ARHGAP26: variants seen among roughly 807,000 people sequenced by gnomAD.
ARHGAP26 encodes Rho GTPase activating protein 26.
In ARHGAP26, 38 loss-of-function variants were observed where a neutral mutation model predicts 104.8. The observed-to-expected ratio is 0.36, with a 90% confidence interval of 0.28 to 0.48. The LOEUF (loss-of-function observed/expected upper bound fraction) is 0.48, where lower values mean the gene tolerates loss of function less well. Ranked by LOEUF, ARHGAP26 falls within the 20% of genes least tolerant of loss-of-function variation. ARHGAP26 has a pLI of 0.99. For missense variants in ARHGAP26, 704 were observed against 947.9 expected (o/e 0.74, Z 3.38); for synonymous variants, 341 against 340.0 (o/e 1.00, Z -0.03).
intron 11 of ARHGAP26, among the ~76,000 whole-genome samples, chr5:143,000,772 T>C (rs996008380): frequency 1.3e-5 from 2 of 151,970 alleles, no homozygotes; most frequent in Admixed American, 6.6e-5. Flanking sequence ...CAGACTAACA[T>C]AGGAACAAAA....
At chr5:142,898,186 A>G (rs1373755624) in intron 6 of ARHGAP26, among the ~76,000 whole-genome samples, 1 of 152,044 alleles carries the variant, frequency 6.6e-6, no homozygotes, top group Non-Finnish European at 1.5e-5. Context: ...ACACACACAC[A>G]CACACATATA....
At chr5:142,996,506 A>G (rs1243085546) in intron 11 of ARHGAP26, among the ~76,000 whole-genome samples, 1 of 152,218 alleles carries the variant, frequency 6.6e-6, no homozygotes, top group Non-Finnish European at 1.5e-5. Flanking sequence ...AATTAAAAAA[A>G]GAAGAAAATA....
At chr5:142,799,154 T>C (rs758213187) in intron 1 of ARHGAP26, among the ~76,000 whole-genome samples, 2 of 152,188 alleles carry the variant, frequency 1.3e-5, no homozygotes, top group Non-Finnish European at 1.5e-5. Flanking sequence ...TTCACTCTTA[T>C]AGCGGTGAAT....
At chr5:143,115,085 C>T (rs1355783513) in intron 17 of ARHGAP26, among the ~76,000 whole-genome samples, 5 of 151,904 alleles carry the variant, frequency 3.3e-5, no homozygotes, top group African/African-American at 9.7e-5. Context: ...GTAATTCCAG[C>T]ACTTTGGGAG....
At chr5:142,987,246 T>C (rs1394389776) in intron 11 of ARHGAP26, among the ~76,000 whole-genome samples, 1 of 152,230 alleles carries the variant, frequency 6.6e-6, no homozygotes, top group Non-Finnish European at 1.5e-5. Flanking sequence ...TATTTTATTC[T>C]CTTTGAAGCA....
intron 20 of ARHGAP26, among the ~76,000 whole-genome samples, chr5:143,179,042 A>G (rs1803918166): frequency 6.6e-6 from 1 of 151,854 alleles, no homozygotes; most frequent in South Asian, 2.1e-4. Flanking sequence ...GCTAATTTTT[A>G]TATTTTTAGT....
rs141448715 is a variant in ARHGAP26 at position 143,057,913 on chromosome 5, G to A, written c.1538+166G>A. 594 of 727,342 alleles carry A rather than the reference G, an allele frequency of 8.2e-4. 7 individuals carry two copies. The African/African-American group carries it at 9.4e-3, about 12-fold the overall frequency. 45.1% of individuals were successfully genotyped at this position (727,342 alleles called of 1,614,324 possible). ...GAAATGTTCATTGCAGTGGAGAACA[G>A]CAGCAAATGCCAGATGGCCTTCCCA... is the stretch of plus-strand genomic sequence containing the variant. On this transcript the variant is annotated intron_variant, in intron 17 of 22. Coordinates refer to ENST00000645722, the MANE Select transcript of ARHGAP26 (RefSeq NM_001135608.3).
intron 11 of ARHGAP26, among the ~76,000 whole-genome samples, chr5:142,974,577 AT>A (rs1772776312): frequency 6.6e-6 from 1 of 152,216 alleles, no homozygotes; most frequent in East Asian, 1.9e-4. Context: ...ACATTAACTC[AT>A]GTAAAGTGTT....
At chr5:143,022,062 C>G (rs924402590) in intron 12 of ARHGAP26, among the ~76,000 whole-genome samples, 1 of 147,288 alleles carries the variant, frequency 6.8e-6, no homozygotes, top group African/African-American at 2.5e-5. Context: ...CTCTGAAATC[C>G]CCTGATTTTA....
Position 143,204,739 on chromosome 5 carries a change from C to T in ARHGAP26, c.1989-2459C>T, listed in dbSNP as rs146147322. ...AATATGTTCCAAACTATGCCATTAG[C>T]CAAAGGCATAATTCTTGGTACAGAT... On this transcript the variant is annotated intron_variant, in intron 20 of 22. Coordinates refer to ENST00000645722, the MANE Select transcript of ARHGAP26 (RefSeq NM_001135608.3). Among the ~76,000 whole-genome samples the T allele has an allele frequency of 5.6e-3, 853 of 152,082 alleles. 6 individuals are homozygous for T. The highest frequency in any genetic ancestry group is 0.011 in the Admixed American group (164 of 15,260).
intron 10 of ARHGAP26, among the ~76,000 whole-genome samples, chr5:142,914,164 A>G (rs3776408): frequency 0.12 from 17,779 of 152,198 alleles, 2,007 homozygotes; most frequent in African/African-American, 0.29. Context: ...CCCTGGCTCT[A>G]TGGCATCCTG....
rs577517433 is a variant in ARHGAP26, at chr5:143,070,909, C to T, written c.1538+13162C>T. Among the ~76,000 whole-genome samples, 5 of 151,086 alleles carry T rather than the reference C, an allele frequency of 3.3e-5. No homozygotes were observed. The East Asian group carries it at 7.7e-4, about 23-fold the overall frequency. ...CCTGGGTGACAGATCTTGACACTAT[C>T]GCAGAAAAAAAAACAACAAAAAAAC... is the stretch of plus-strand genomic sequence containing the variant. On this transcript the variant is annotated intron_variant, in intron 17 of 22. Transcript: ENST00000645722.
At chr5:143,081,768 C>G (rs1789849770) in intron 17 of ARHGAP26, among the ~76,000 whole-genome samples, 1 of 152,156 alleles carries the variant, frequency 6.6e-6, no homozygotes, top group Non-Finnish European at 1.5e-5. Flanking sequence ...AATCCCAGCA[C>G]TCTGGGAGGC....
chr5:143,036,627 G>T (rs1260286722), intron 12 of ARHGAP26, among the ~76,000 whole-genome samples: 1 of 152,114 alleles, frequency 6.6e-6, no homozygotes, highest in African/African-American at 2.4e-5. Context: ...CAGTTTGATG[G>T]TATGGGCTCT....
chr5:142,935,872 A>G (rs1765335903), intron 11 of ARHGAP26, among the ~76,000 whole-genome samples: 1 of 152,136 alleles, frequency 6.6e-6, no homozygotes, highest in Admixed American at 6.5e-5. Context: ...AAGGGGGGAA[A>G]TGCCAAGTTT....
At chr5:142,809,886 A>G (rs1333148128) in intron 1 of ARHGAP26, among the ~76,000 whole-genome samples, 2 of 152,244 alleles carry the variant, frequency 1.3e-5, no homozygotes, top group East Asian at 1.9e-4. Flanking sequence ...TACAGCATGA[A>G]TAAGATAAGG....
rs150123185 is a variant in ARHGAP26 at position 143,204,088 on chromosome 5, A to T, written c.1989-3110A>T. Among the ~76,000 whole-genome samples the T allele has an allele frequency of 8.7e-3, 1,317 of 152,186 alleles. 28 individuals carry two copies. Among genetic ancestry groups the T allele is most frequent in the African/African-American group, 0.031 (1,276 of 41,484 alleles). On this transcript the variant is annotated intron_variant, in intron 20 of 22. Transcript: ENST00000645722. Reference sequence around the variant, plus strand: ...ATAATTAAAAAAAAAAAAATCACAGAAGTACTATGGAGTATGCATTTTATT... The same window carrying T: ...ATAATTAAAAAAAAAAAAATCACAGTAGTACTATGGAGTATGCATTTTATT...
At chr5:142,953,096 T>C (rs1479220709) in intron 11 of ARHGAP26, among the ~76,000 whole-genome samples, 1 of 152,170 alleles carries the variant, frequency 6.6e-6, no homozygotes, top group African/African-American at 2.4e-5. Flanking sequence ...AGCTAGTCCA[T>C]GTAAGTTGTT....
chr5:142,779,117 A>G (rs1396343688), intron 1 of ARHGAP26, among the ~76,000 whole-genome samples: 1 of 152,198 alleles, frequency 6.6e-6, no homozygotes, highest in Non-Finnish European at 1.5e-5. Flanking sequence ...AGTCTATTCT[A>G]ACCTCCAGGC....
Sources: gnomAD v4.1 joint callset for allele counts (sites outside exome capture counted in the v4.1 genomes callset) on GRCh38, gnomAD v4.1.1 for gene constraint, MANE v1.5 for transcripts, NCBI Gene and HGNC (gene_info 2026-07-23, HGNC 2026-07-21) for gene names.